The following RBPMS variants were observed in gnomAD, a reference collection of about 807,000 sequenced individuals.
RBPMS encodes the protein RNA binding protein, mRNA processing factor.
A neutral mutation model predicts 26.8 loss-of-function variants in RBPMS; 7 were observed. That is an observed-to-expected ratio of 0.26 (90% CI 0.15 to 0.49). The LOEUF (loss-of-function observed/expected upper bound fraction) is 0.49. RBPMS is among the 20% of genes least tolerant of loss of function. The pLI is 0.98. For missense variants in RBPMS, 186 were observed against 250.0 expected, an observed-to-expected ratio of 0.74 and a Z score of 1.73; for synonymous variants, 96 against 93.3, an observed-to-expected ratio of 1.03 and a Z score of -0.17.
chr8:30,395,461 C>CAAA (rs55914538), intron 1 of RBPMS, among the ~76,000 whole-genome samples: 7 of 43,798 alleles, frequency 1.6e-4, no homozygotes, highest in African/African-American at 3.5e-4. Context: ...GACTCTGTCT[C>CAAA]AAAAAAAAAA....
chr8:30,548,571 CAG>C (rs1343679892), intron 6 of RBPMS, among the ~76,000 whole-genome samples: 2 of 152,192 alleles, frequency 1.3e-5, no homozygotes, highest in African/African-American at 2.4e-5. Context: ...AAAATTATAA[CAG>C]ACTGCCTGAG....
At chr8:30,527,136 G>T (rs993633808) in intron 5 of RBPMS, among the ~76,000 whole-genome samples, 1 of 152,172 alleles carries the variant, frequency 6.6e-6, no homozygotes, top group African/African-American at 2.4e-5. Flanking sequence ...AAGATACTCT[G>T]TTGTGGGAAG....
intron 4 of RBPMS, among the ~76,000 whole-genome samples, chr8:30,489,530 T>C (rs1199750456): frequency 6.6e-6 from 1 of 152,046 alleles, no homozygotes; most frequent in Non-Finnish European, 1.5e-5. Context: ...CTGCAACCTC[T>C]GCCTCCCAGG....
intron 8 of RBPMS, among the ~76,000 whole-genome samples, chr8:30,569,981 C>T (rs749680933): frequency 2.6e-5 from 4 of 152,286 alleles, no homozygotes; most frequent in African/African-American, 7.2e-5. Context: ...GCCCCTGCTC[C>T]GCCGGCCGTT....
chr8:30,409,117 C>G (rs190916719), intron 1 of RBPMS, among the ~76,000 whole-genome samples: 2 of 151,972 alleles, frequency 1.3e-5, no homozygotes, highest in African/African-American at 2.4e-5. Context: ...GGGTTGTTGA[C>G]GCTTTTTACA....
intron 5 of RBPMS, among the ~76,000 whole-genome samples, chr8:30,510,368 A>G (rs1821459261): frequency 1.3e-5 from 2 of 152,316 alleles, no homozygotes; most frequent in Non-Finnish European, 2.9e-5. Context: ...TAAGAATTAT[A>G]TGTAAAATAC....
At chr8:30,514,445 C>T (rs969603903) in intron 5 of RBPMS, among the ~76,000 whole-genome samples, 6 of 151,918 alleles carry the variant, frequency 3.9e-5, no homozygotes, top group African/African-American at 1.5e-4. Context: ...AGTTTTTGTT[C>T]CAAATAATAA....
At chr8:30,463,699 A>C (rs1458655659) in intron 1 of RBPMS, among the ~76,000 whole-genome samples, 1 of 152,234 alleles carries the variant, frequency 6.6e-6, no homozygotes, top group African/African-American at 2.4e-5. Flanking sequence ...TTGTGGACAT[A>C]GTTTAATATG....
chr8:30,470,000 G>C (rs1816908470), intron 1 of RBPMS, among the ~76,000 whole-genome samples: 1 of 152,146 alleles, frequency 6.6e-6, no homozygotes, highest in Non-Finnish European at 1.5e-5. Context: ...GCTTAGCAAA[G>C]CCAAAACTCT....
intron 4 of RBPMS, among the ~76,000 whole-genome samples, chr8:30,489,467 C>CT (rs1206766379): frequency 4.6e-5 from 7 of 151,160 alleles, no homozygotes; most frequent in Non-Finnish European, 8.9e-5. Flanking sequence ...CTTTTCTTTT[C>CT]TTTTTTTCGA....
chr8:30,506,122 G>A (rs935114418), intron 5 of RBPMS, among the ~76,000 whole-genome samples: 4 of 151,968 alleles, frequency 2.6e-5, no homozygotes, highest in Admixed American at 6.6e-5. Flanking sequence ...GCCAGATTAC[G>A]ACATGCTATA....
intron 5 of RBPMS, among the ~76,000 whole-genome samples, chr8:30,541,990 C>T (rs890699751): frequency 9.2e-5 from 14 of 152,194 alleles, no homozygotes; most frequent in Non-Finnish European, 4.4e-5. Context: ...GCTTCAGGTG[C>T]GATCCTGACC....
intron 1 of RBPMS, among the ~76,000 whole-genome samples, chr8:30,428,942 T>G (rs961161683): frequency 1.3e-5 from 2 of 152,250 alleles, no homozygotes; most frequent in Non-Finnish European, 2.9e-5. Context: ...ACTAGTAACA[T>G]GCAAAGCACA....
chr8:30,462,360 A>G (rs796392461), intron 1 of RBPMS, among the ~76,000 whole-genome samples: 20 of 152,350 alleles, frequency 1.3e-4, no homozygotes, highest in African/African-American at 4.6e-4. Flanking sequence ...CATATACTAC[A>G]ATAAAAAGTG....
intron 6 of RBPMS, among the ~76,000 whole-genome samples, chr8:30,547,924 G>A (rs563978888): frequency 1.4e-4 from 22 of 152,274 alleles, no homozygotes; most frequent in African/African-American, 4.6e-4. Context: ...GCTCTGCCCC[G>A]GCTTCAGCTG....
chr8:30,384,817 C>T lies in RBPMS; in HGVS notation c.-276C>T. The T allele has an allele frequency of 6.5e-6, 2 of 307,172 alleles. No individual in the cohort carries two copies. Among genetic ancestry groups the T allele is most frequent in the Non-Finnish European group, 1.2e-5 (2 of 168,186 alleles). 19.0% of individuals were successfully genotyped at this position (307,172 alleles called of 1,614,324 possible). ...CCCTCTCCAGGTCGCCCTCCCGGGG[C>T]CCGATTGTCTCGGTGCCCCGCTCCC... On this transcript the variant is annotated 5_prime_UTR_variant, in exon 1 of 9. Coordinates refer to ENST00000397323, the MANE Select transcript of RBPMS (RefSeq NM_001008710.3). This position sits in a 1 kb window ranked among gnomAD's most constrained non-coding sequence, Gnocchi z 5.6.
intron 1 of RBPMS, among the ~76,000 whole-genome samples, chr8:30,471,267 TATTGGCTGTGTAATATTTC>T (rs1286358903): frequency 9.9e-5 from 15 of 152,184 alleles, no homozygotes; most frequent in Non-Finnish European, 2.1e-4. Context: ...ACGTCATTTT[TATTGGCTGTGTAATATTTC>T]ATTGTATGAT....
At chr8:30,487,260 T>C (rs1412380704) in intron 4 of RBPMS, among the ~76,000 whole-genome samples, 2 of 152,214 alleles carry the variant, frequency 1.3e-5, no homozygotes, top group Non-Finnish European at 2.9e-5. Flanking sequence ...TAGTGAATGA[T>C]CACATCATCA....
Position 30,544,404 on chromosome 8 carries a change from T to C in RBPMS, c.398-90T>C, listed in dbSNP as rs567912380. On this transcript the variant is annotated intron_variant, in intron 5 of 8. Coordinates refer to ENST00000397323, the MANE Select transcript of RBPMS (RefSeq NM_001008710.3). The stretch of plus-strand genomic sequence containing the variant: ...AGAGTAATTTGACTTCCGACAGTGA[T>C]TGGGGCTCGGGGTTGTTGGGTGTTT... 19 of 1,284,150 alleles carry C rather than the reference T, an allele frequency of 1.5e-5. 1 individual carries two copies. In the Middle Eastern group the frequency reaches 1.5e-3, roughly 98 times the overall value. 79.5% of individuals were successfully genotyped at this position (1,284,150 alleles called of 1,614,324 possible). A position where few individuals can be genotyped will look rare whatever the true frequency, so the allele number is the denominator to read the frequency against.
Sources: gnomAD v4.1 joint callset for allele counts (sites outside exome capture counted in the v4.1 genomes callset) on GRCh38, gnomAD v4.1.1 for gene constraint, Gnocchi (gnomAD v3.1) non-coding constraint, MANE v1.5 for transcripts, NCBI Gene and HGNC (gene_info 2026-07-23, HGNC 2026-07-21) for gene names.